CAST: variants seen among roughly 807,000 people sequenced by gnomAD.
The protein encoded by CAST is calpastatin, also known as MIR583 host.
A neutral mutation model predicts 119.6 loss-of-function variants in CAST; 76 were observed. The observed-to-expected ratio is 0.64, with a 90% confidence interval of 0.53 to 0.77. CAST has a LOEUF of 0.77. Ranked by LOEUF, CAST falls within the 30% of genes least tolerant of loss-of-function variation. The pLI, the probability that CAST is intolerant of heterozygous loss-of-function variation, is 0.00. For synonymous variants in CAST, 319 were observed against 331.6 expected, an observed-to-expected ratio of 0.96 and a Z score of 0.41; for missense variants, 953 against 946.5, an observed-to-expected ratio of 1.01 and a Z score of -0.09.
At chr5:95,968,061 A>G in the CAST span, among the ~76,000 whole-genome samples, 4 of 152,314 alleles carry the variant, frequency 2.6e-5, no homozygotes, top group Admixed American at 2.6e-4. Context: ...ACCTTTGAAC[A>G]TGGCTATAAG....
chr5:96,556,869 A>T (rs535359643), intron 1 of CAST, among the ~76,000 whole-genome samples: 93 of 152,282 alleles, frequency 6.1e-4, no homozygotes, highest in African/African-American at 2.2e-3. Flanking sequence ...TGCCACAAAG[A>T]TACTCCTCGA....
chr5:96,023,870 A>G, the CAST span, among the ~76,000 whole-genome samples: 1 of 152,294 alleles, frequency 6.6e-6, no homozygotes, highest in East Asian at 1.9e-4. Flanking sequence ...AGAGGCCTGG[A>G]TAGTTAATAA....
the CAST span, among the ~76,000 whole-genome samples, chr5:96,477,581 A>G: frequency 2.0e-5 from 3 of 152,224 alleles, no homozygotes; most frequent in Non-Finnish European, 2.9e-5. Context: ...AACGATGTCC[A>G]GTACTCCTAG....
chr5:96,467,679 G>A, the CAST span, among the ~76,000 whole-genome samples: 1 of 151,342 alleles, frequency 6.6e-6, no homozygotes, highest in Non-Finnish European at 1.5e-5. Context: ...TAAAAAATCT[G>A]TGTGCCCTTA....
the CAST span, among the ~76,000 whole-genome samples, chr5:96,175,937 A>T: frequency 6.6e-6 from 1 of 152,240 alleles, no homozygotes; most frequent in Non-Finnish European, 1.5e-5. Flanking sequence ...ATAATTTCAC[A>T]AACATCATTC....
chr5:96,191,886 A>T, the CAST span, among the ~76,000 whole-genome samples: 3 of 152,158 alleles, frequency 2.0e-5, no homozygotes, highest in Non-Finnish European at 2.9e-5. Context: ...GAATTTTTTT[A>T]AAAAATAAAG....
chr5:96,360,988 C>G, the CAST span, among the ~76,000 whole-genome samples: 1 of 152,210 alleles, frequency 6.6e-6, no homozygotes, highest in Non-Finnish European at 1.5e-5. Context: ...TATCTATAAG[C>G]CCCTGACTGG....
chr5:96,740,854 C>A, intron 13 of CAST, 71 bp downstream of exon 13: 2 of 950,564 alleles, frequency 2.1e-6, no homozygotes, highest in South Asian at 1.3e-5. Context: ...ACAGGGCTAT[C>A]AATTCTATAT....
chr5:95,971,982 A>T, the CAST span, among the ~76,000 whole-genome samples: 1 of 147,168 alleles, frequency 6.8e-6, no homozygotes, highest in Non-Finnish European at 1.5e-5. Flanking sequence ...TTTTTGAAAC[A>T]GGGTCCCCCT....
At chr5:96,424,961 C>CAA in the CAST span, among the ~76,000 whole-genome samples, 77 of 94,760 alleles carry the variant, frequency 8.1e-4, 1 homozygote, top group South Asian at 2.4e-3. Flanking sequence ...AAAACTCTGT[C>CAA]AAAAAAAAAA....
the CAST span, among the ~76,000 whole-genome samples, chr5:95,982,847 G>A: frequency 5.3e-5 from 8 of 151,964 alleles, no homozygotes; most frequent in Non-Finnish European, 1.0e-4. Context: ...TACTTTTTAA[G>A]TTTTAAAAAA....
chr5:96,103,236 A>G, the CAST span, among the ~76,000 whole-genome samples: 381 of 152,180 alleles, frequency 2.5e-3, 1 homozygote, highest in Non-Finnish European at 3.7e-3. Context: ...TTTAGGGTAC[A>G]TGTGCACAAT....
chr5:96,485,334 A>G, the CAST span, among the ~76,000 whole-genome samples: 107,677 of 152,134 alleles, frequency 0.71, 38,554 homozygotes, highest in African/African-American at 0.8. Context: ...AAGTCCTCAC[A>G]TGAAGTGATG....
chr5:96,268,370 CGG>C, the CAST span, among the ~76,000 whole-genome samples: 1 of 152,074 alleles, frequency 6.6e-6, no homozygotes, highest in African/African-American at 2.4e-5. Flanking sequence ...GCAAGAAGTT[CGG>C]GCCCAGTCTG....
chr5:96,497,873 C>T, the CAST span, among the ~76,000 whole-genome samples: 3 of 152,120 alleles, frequency 2.0e-5, no homozygotes, highest in Non-Finnish European at 4.4e-5. Context: ...TAATTAGATC[C>T]CATTTGTCAA....
At chr5:96,536,273 C>T (rs1269603323) in intron 1 of CAST, among the ~76,000 whole-genome samples, 1 of 152,020 alleles carries the variant, frequency 6.6e-6, no homozygotes, top group Non-Finnish European at 1.5e-5. Context: ...GCAGGAGAAT[C>T]ACTTGAACCT....
At chr5:96,590,521 C>T (rs1746944477) in intron 1 of CAST, among the ~76,000 whole-genome samples, 1 of 152,176 alleles carries the variant, frequency 6.6e-6, no homozygotes, top group African/African-American at 2.4e-5. Flanking sequence ...TGTCCCTTAA[C>T]CCCAGTGTGC....
chr5:96,064,967 C>T, the CAST span, among the ~76,000 whole-genome samples: 6 of 152,112 alleles, frequency 3.9e-5, no homozygotes, highest in Admixed American at 6.6e-5. Context: ...ATCCTCTTTC[C>T]GCTGACTTCA....
chr5:96,285,438 G>C, the CAST span, among the ~76,000 whole-genome samples: 1 of 152,152 alleles, frequency 6.6e-6, no homozygotes, highest in African/African-American at 2.4e-5. Context: ...CCAGGTTTTT[G>C]GCACTGGAGA....
Sources: allele counts gnomAD v4.1 joint callset (sites outside exome capture counted in the v4.1 genomes callset), GRCh38; gene constraint gnomAD v4.1.1; transcripts MANE v1.5; gene names NCBI Gene and HGNC (gene_info 2026-07-23, HGNC 2026-07-21).